Variants in SLC25A13 observed in about 807,000 individuals in gnomAD.
SLC25A13 encodes the protein electrogenic aspartate/glutamate antiporter SLC25A13, mitochondrial.
In SLC25A13, 70 loss-of-function variants were observed where a neutral mutation model predicts 85.5. The ratio of observed to expected loss-of-function variants is 0.82; its 90% CI spans 0.68 to 1.00. The LOEUF is 1.00. Ranked by LOEUF, SLC25A13 falls within the 50% of genes least tolerant of loss-of-function variation. The pLI, the probability that SLC25A13 is intolerant of heterozygous loss-of-function variation, is 0.00. For synonymous variants in SLC25A13, 259 were observed against 288.7 expected, an observed-to-expected ratio of 0.90 and a Z score of 1.04; for missense variants, 765 against 819.8, an observed-to-expected ratio of 0.93 and a Z score of 0.82.
intron 3 of SLC25A13, 99 bp downstream of exon 3, chr7:96,277,097 G>T: frequency 1.7e-6 from 2 of 1,199,568 alleles, no homozygotes; most frequent in South Asian, 1.5e-5. Context: ...GGTCCTAAGA[G>T]ATGGGAAGGT....
intron 1 of SLC25A13, among the ~76,000 whole-genome samples, chr7:96,304,730 C>T (rs1043378334): frequency 3.3e-5 from 5 of 152,204 alleles, no homozygotes; most frequent in African/African-American, 1.2e-4. Context: ...GATGGTGATG[C>T]TCTACTTGCT....
At chr7:96,198,358 T>A (rs1795138628) in intron 5 of SLC25A13, among the ~76,000 whole-genome samples, 1 of 152,164 alleles carries the variant, frequency 6.6e-6, no homozygotes, top group Non-Finnish European at 1.5e-5. Flanking sequence ...TCTCTTGCAA[T>A]ATGAAACAGT....
chr7:96,250,194 G>GA (rs1175953426), intron 3 of SLC25A13, among the ~76,000 whole-genome samples: 4 of 151,098 alleles, frequency 2.6e-5, no homozygotes, highest in Non-Finnish European at 4.4e-5. Flanking sequence ...CTCAAAAAAA[G>GA]AAAAAAAACT....
chr7:96,238,699 C>T (rs1031911535), intron 3 of SLC25A13, among the ~76,000 whole-genome samples: 2 of 152,052 alleles, frequency 1.3e-5, no homozygotes, highest in East Asian at 1.9e-4. Context: ...CCAGTCGCCA[C>T]GCCTCCTCAC....
intron 1 of SLC25A13, among the ~76,000 whole-genome samples, chr7:96,313,917 G>A (rs936120461): frequency 2.0e-5 from 3 of 152,144 alleles, no homozygotes; most frequent in African/African-American, 4.8e-5. Flanking sequence ...TACCTGACCT[G>A]TACAGGGAAG....
chr7:96,225,981 C>G (rs899502527), intron 4 of SLC25A13, among the ~76,000 whole-genome samples: 1 of 152,084 alleles, frequency 6.6e-6, no homozygotes. Flanking sequence ...GACCAATTAC[C>G]TCACCTCTTT....
At chr7:96,214,090 C>T (rs2116734809) in intron 4 of SLC25A13, among the ~76,000 whole-genome samples, 1 of 152,278 alleles carries the variant, frequency 6.6e-6, no homozygotes, top group Non-Finnish European at 1.5e-5. Flanking sequence ...ACCTTGCTTT[C>T]TCCACAAAAG....
intron 4 of SLC25A13, among the ~76,000 whole-genome samples, chr7:96,210,656 G>A (rs1342248664): frequency 6.6e-6 from 1 of 152,118 alleles, no homozygotes; most frequent in Non-Finnish European, 1.5e-5. Context: ...GTAAGTGTCT[G>A]TATCTCTGTA....
chr7:96,160,682 A>C (rs1054392620), intron 13 of SLC25A13, among the ~76,000 whole-genome samples: 1 of 152,216 alleles, frequency 6.6e-6, no homozygotes, highest in Non-Finnish European at 1.5e-5. Context: ...CACTCTTCTA[A>C]TACCACCACA....
At chr7:96,320,003 C>G (rs62472396) in intron 1 of SLC25A13, among the ~76,000 whole-genome samples, 1 of 149,810 alleles carries the variant, frequency 6.7e-6, no homozygotes, top group African/African-American at 2.5e-5. Context: ...TATGTTTTGT[C>G]GTTGTTGTTA....
intron 4 of SLC25A13, among the ~76,000 whole-genome samples, chr7:96,223,847 T>C (rs569099157): frequency 1.3e-5 from 2 of 148,502 alleles, no homozygotes; most frequent in East Asian, 3.9e-4. Context: ...ACTGTGGAGC[T>C]AGGCTATTAA....
At position 96,273,337 on chromosome 7, in the gene SLC25A13, A is replaced by G. The variant is rs574179789; in HGVS notation, c.212+3859T>C. The stretch of plus-strand genomic sequence containing the variant: ...TCAAAAAACAAAAAAAGAAAGAAAC[A>G]AGAATAGGCAAAGAGCCATTTGAGG... On this transcript the variant is annotated intron_variant, in intron 3 of 17. Transcript: ENST00000265631. Among the ~76,000 whole-genome samples, 9 of 152,330 alleles carry G rather than the reference A, an allele frequency of 5.9e-5. No individual in the cohort carries two copies. In the South Asian group the frequency reaches 1.9e-3, roughly 32 times the overall value.
chr7:96,121,421 G>C, intron 17 of SLC25A13, 44 bp from the exon 18 acceptor site: 2 of 1,600,752 alleles, frequency 1.2e-6, no homozygotes, highest in Non-Finnish European at 1.7e-6. Context: ...TTTTTTGTTT[G>C]TTTTAACTTG....
intron 3 of SLC25A13, among the ~76,000 whole-genome samples, chr7:96,273,505 G>A (rs974841360): frequency 1.3e-5 from 2 of 152,168 alleles, no homozygotes; most frequent in African/African-American, 4.8e-5. Context: ...TTATGTAGGA[G>A]AATGTTCTTA....
In SLC25A13 at chr7:96,171,325, GAA is replaced by G. The variant is rs965314156; in HGVS notation, c.1230+145_1230+146del. On this transcript the variant is annotated intron_variant, in intron 12 of 17. Transcript: ENST00000265631. ...TGTCCACTGCTAAATGGAGAATAATGAAAAAATGTGTGTGGTGAGTTCCCCTG... is the reference window on the plus strand; with the variant it reads ...TGTCCACTGCTAAATGGAGAATAATGAAAATGTGTGTGGTGAGTTCCCCTG... 9.5e-6 allele frequency: 7 copies of G among 739,828 alleles called. No individual in the cohort carries two copies. The Admixed American group carries it at 1.6e-4, about 17-fold the overall frequency. 45.8% of individuals were successfully genotyped at this position (739,828 alleles called of 1,614,324 possible).
At chr7:96,279,838 C>T (rs1370502607) in intron 2 of SLC25A13, among the ~76,000 whole-genome samples, 1 of 152,080 alleles carries the variant, frequency 6.6e-6, no homozygotes, top group African/African-American at 2.4e-5. Flanking sequence ...TTTAATTTTT[C>T]CACTTAATCT....
At chr7:96,306,300 C>T (rs1338385817) in intron 1 of SLC25A13, among the ~76,000 whole-genome samples, 1 of 152,204 alleles carries the variant, frequency 6.6e-6, no homozygotes, top group African/African-American at 2.4e-5. Flanking sequence ...TTCTGAGCAT[C>T]CCCCAGTCTG....
intron 3 of SLC25A13, among the ~76,000 whole-genome samples, chr7:96,237,272 A>G (rs981737354): frequency 7.9e-5 from 12 of 152,324 alleles, no homozygotes; most frequent in African/African-American, 2.6e-4. Flanking sequence ...GTGCAGGCAA[A>G]TGGACCGACT....
chr7:96,190,307 C>T (rs1198134752), intron 7 of SLC25A13, among the ~76,000 whole-genome samples: 34 of 151,814 alleles, frequency 2.2e-4, no homozygotes, highest in Non-Finnish European at 1.5e-5. Context: ...TAGCCAGGAT[C>T]GTCTCAATCT....
Sources: gnomAD v4.1 joint callset for allele counts (sites outside exome capture counted in the v4.1 genomes callset) on GRCh38, gnomAD v4.1.1 for gene constraint, MANE v1.5 for transcripts, NCBI Gene and HGNC (gene_info 2026-07-23, HGNC 2026-07-21) for gene names.